Variants in IGSF9B observed in about 807,000 individuals in gnomAD.
IGSF9B encodes protein turtle homolog B.
In IGSF9B, 48 loss-of-function variants were observed where a neutral mutation model predicts 143.7. The ratio of observed to expected loss-of-function variants is 0.33; its 90% CI spans 0.26 to 0.42. IGSF9B has a LOEUF of 0.42. IGSF9B is among the 20% of genes least tolerant of loss of function. The probability of loss-of-function intolerance (pLI) is 1.00; values close to 1 mark genes in which losing one functional copy is unlikely to be tolerated. For missense variants in IGSF9B, 1,706 were observed against 1,980.0 expected, an observed-to-expected ratio of 0.86 and a Z score of 2.63; for synonymous variants, 903 against 833.1, an observed-to-expected ratio of 1.08 and a Z score of -1.44.
intron 13 of IGSF9B, among the ~76,000 whole-genome samples, chr11:133,926,505 G>A (rs182107015): frequency 6.6e-6 from 1 of 152,334 alleles, no homozygotes; most frequent in East Asian, 1.9e-4. Flanking sequence ...GGAGGAGTAT[G>A]AGGCTGCCTC....
At position 133,921,025 on chromosome 11, in the gene IGSF9B, C is replaced by G; in HGVS notation, c.2700G>C (p.Leu900=). 6.2e-7 allele frequency: 1 copy of G among 1,613,470 alleles called. No individual in the cohort carries two copies. The highest frequency in any genetic ancestry group is 8.5e-7 in the Non-Finnish European group (1 of 1,179,612). Residue 900 remains leucine (L), a synonymous_variant, in exon 18 of 20, where the codon CTG becomes CTC. Coordinates refer to ENST00000533871, the MANE Select transcript of IGSF9B (RefSeq NM_001277285.4). ...RQSDEENEDP[L]VPTSVAALKS... is the part of the protein sequence containing the mutation. ...TCAGGGCGGCCACAGATGTGGGCACCAGTGGGTCCTCGTTCTCCTCGTCCG... is the reference window on the plus strand; with the variant it reads ...TCAGGGCGGCCACAGATGTGGGCACGAGTGGGTCCTCGTTCTCCTCGTCCG...
rs1364345285 is a variant in IGSF9B at position 133,920,026 on chromosome 11, C to A, written c.3699G>T (p.Glu1233Asp). 6.3e-7 allele frequency: 1 copy of A among 1,581,958 alleles called. No homozygotes were observed. The highest frequency in any genetic ancestry group is 1.4e-5 in the African/African-American group (1 of 73,564). Residue 1233 changes from glutamate (E) to aspartate (D), a missense_variant, in exon 18 of 20, where the codon GAG (glutamate) becomes GAT (aspartate). Transcript: ENST00000533871. ...RPRPGLLQQA[E>D]MSEITLQPPA... is the part of the protein sequence containing the mutation. The stretch of plus-strand genomic sequence containing the variant: ...GCGGCTGCAGGGTGATCTCTGACAT[C>A]TCTGCCTGCTGCAGGAGGCCCGGGC...
rs980051332 is a variant in IGSF9B, at chr11:133,952,805, GCA to G, written c.64+3884_64+3885del. Among the ~76,000 whole-genome samples the G allele has an allele frequency of 5.9e-5, 9 of 152,062 alleles. 1 individual carries two copies. The highest frequency in any genetic ancestry group is 1.9e-4 in the East Asian group (1 of 5,152). On this transcript the variant is annotated intron_variant, in intron 1 of 19. Transcript: ENST00000533871. Reference sequence around the variant, plus strand: ...CACACATGTGCACATGTATGCATGTGCACACACACACACTTCTGGACAGCTGG... The same window carrying G: ...CACACATGTGCACATGTATGCATGTGCACACACACACTTCTGGACAGCTGG...
Position 133,921,198 on chromosome 11 carries a change from C to T in IGSF9B, c.2527G>A (p.Ala843Thr). The T allele has an allele frequency of 6.2e-7, 1 of 1,608,746 alleles. No individual in the cohort carries two copies. The highest frequency in any genetic ancestry group is 8.5e-7 in the Non-Finnish European group (1 of 1,177,046). The change falls in exon 18 of 20, where the codon GCC becomes ACC. Residue 843 changes from alanine to threonine, a missense_variant. This residue lies in a region of IGSF9B where 135 missense variants were observed against 181.3 expected (regional missense o/e 0.74). Transcript: ENST00000533871. ...SVAKAEAEAE[A>T]TTPIELISRG... The stretch of plus-strand genomic sequence containing the variant: ...CTGATGAGCTCGATGGGCGTGGTGG[C>T]CTCTGCCTCGGCCTCTGCCTTGGCC...
chr11:133,919,756 C>G lies in IGSF9B; in HGVS notation c.3969G>C (p.Thr1323=). Residue 1323 remains threonine, a synonymous_variant, in exon 18 of 20, where the codon ACG becomes ACC. Coordinates refer to ENST00000533871, the MANE Select transcript of IGSF9B (RefSeq NM_001277285.4). ...ELLRPETPPP[T]LPTSGTLPPA... ...GGCGCACTCACCCTGAAGTAGGTAA[C>G]GTGGGTGGTGGGGTCTCCGGTCGGA... 2 of 1,465,502 alleles carry G rather than the reference C, an allele frequency of 1.4e-6. No homozygotes were observed. Among genetic ancestry groups the G allele is most frequent in the Non-Finnish European group, 9.0e-7 (1 of 1,105,524 alleles). The allele number at this position is 1,465,502 out of a possible 1,614,324, so 90.8% of individuals were successfully genotyped here. A position where few individuals can be genotyped will look rare whatever the true frequency, so the allele number is the denominator to read the frequency against.
chr11:133,940,148 G>A (rs563742920), intron 3 of IGSF9B, among the ~76,000 whole-genome samples: 221 of 83,754 alleles, frequency 2.6e-3, no homozygotes, highest in African/African-American at 8.4e-3. Flanking sequence ...GTCATCGCAC[G>A]CAAAAACACA....
intron 19 of IGSF9B, 72 bp downstream of exon 19, chr11:133,911,788 GAGCCCAATAACCCTCCTGACAACGGC>G (rs1369779830): frequency 9.9e-5 from 121 of 1,218,038 alleles, no homozygotes; most frequent in Middle Eastern, 2.6e-4. Flanking sequence ...TTGGGGCCCT[GAGCCCAATAACCCTCCTGACAACGGC>G]AGCCCAATAA....
chr11:133,936,141 C>T lies in IGSF9B; in HGVS notation c.733G>A (p.Asp245Asn). 1.2e-6 allele frequency: 2 copies of T among 1,612,864 alleles called. No homozygotes were observed. Among genetic ancestry groups the T allele is most frequent in the South Asian group, 2.2e-5 (2 of 90,718 alleles). ...PENITVNISQ[D>N]ALLTCRAEAY... ...TCTGCCCGGCAGGTGAGCAGAGCAT[C>T]CTGGGAGATGTTGACGGTGATGTTC... is the stretch of plus-strand genomic sequence containing the variant. Residue 245 changes from aspartate (D) to asparagine (N), a missense_variant, in exon 6 of 20, where the codon GAT (aspartate) becomes AAT (asparagine). Physicochemically the swap from Asp to Asn is conservative, Grantham distance 23. Transcript: ENST00000533871.
At chr11:133,923,262 G>A (rs1015416345) in intron 15 of IGSF9B, among the ~76,000 whole-genome samples, 4 of 152,220 alleles carry the variant, frequency 2.6e-5, no homozygotes, top group Non-Finnish European at 5.9e-5. Context: ...CAGGTGTGAA[G>A]GCAACTTGAG....
intron 18 of IGSF9B, among the ~76,000 whole-genome samples, chr11:133,917,270 GC>G (rs1565418307): frequency 6.6e-6 from 1 of 152,186 alleles, no homozygotes; most frequent in African/African-American, 2.4e-5. Context: ...GAGGGAGCGA[GC>G]TTCGGGTGGC....
rs1449785128 is a variant in IGSF9B, at chr11:133,931,670, C to T, written c.1236G>A (p.Ala412=). 3.1e-6 allele frequency: 5 copies of T among 1,609,900 alleles called. No homozygotes were observed. Among genetic ancestry groups the T allele is most frequent in the Non-Finnish European group, 4.2e-6 (5 of 1,177,860 alleles). Residue 412 remains alanine (A), a synonymous_variant, in exon 9 of 20, where the codon GCG becomes GCA. Coordinates refer to ENST00000533871, the MANE Select transcript of IGSF9B (RefSeq NM_001277285.4). This position sits in a 1 kb window ranked among gnomAD's most constrained non-coding sequence, Gnocchi z 7.7. ...TLGTMGQSAP[A]RLVLKDPPYF... is the part of the protein sequence containing the mutation. ...GGGACCTCACCTTCAGGACAAGCCT[C>T]GCAGGGGCAGACTGGCCCATGGTCC...
In IGSF9B at chr11:133,902,719, C is replaced by T. The variant is rs574662011; in HGVS notation, c.*6350G>A. On this transcript the variant is annotated 3_prime_UTR_variant, in exon 20 of 20. Transcript: ENST00000533871. ...TCCCTTCTCCAGCCCTGCCAGGACA[C>T]CGTCGGCCATGGCACACCTCTCGTT... Among the ~76,000 whole-genome samples the T allele has an allele frequency of 1.6e-4, 24 of 152,306 alleles. No individual in the cohort carries two copies. The highest frequency in any genetic ancestry group is 1.0e-3 in the Admixed American group (16 of 15,298).
Position 133,902,654 on chromosome 11 carries a change from G to T in IGSF9B, c.*6415C>A, listed in dbSNP as rs1330904072. On this transcript the variant is annotated 3_prime_UTR_variant, in exon 20 of 20. Coordinates refer to ENST00000533871, the MANE Select transcript of IGSF9B (RefSeq NM_001277285.4). ...ACAGCTGGCTGGGGGTTAGAGACCA[G>T]GGGGACAACCTGGTGCCTGCAGAAG... is the stretch of plus-strand genomic sequence containing the variant. 1.3e-5 allele frequency among the ~76,000 whole-genome samples: 2 copies of T among 150,384 alleles called. No individual in the cohort carries two copies. Among genetic ancestry groups the T allele is most frequent in the African/African-American group, 4.9e-5 (2 of 40,822 alleles).
At chr11:133,933,646 G>A (rs1366108625) in intron 7 of IGSF9B, among the ~76,000 whole-genome samples, 1 of 152,208 alleles carries the variant, frequency 6.6e-6, no homozygotes, top group East Asian at 1.9e-4. Flanking sequence ...TACTCTGGAA[G>A]TTGAAGCGGG....
chr11:133,937,659 GAC>G, intron 4 of IGSF9B, 149 bp downstream of exon 4: 1 of 1,111,724 alleles, frequency 9.0e-7, no homozygotes, highest in Non-Finnish European at 1.3e-6. Flanking sequence ...TCCCGCCAGC[GAC>G]ACAGAGACGC....
Position 133,905,698 on chromosome 11 carries a change from T to A in IGSF9B, c.*3371A>T, listed in dbSNP as rs376989709. Reference sequence around the variant, plus strand: ...TCCTTCCTGCTAAGAAAGTAGGATCTCAAAAGGCCTGTCCTACCCCCAGTC... The same window carrying A: ...TCCTTCCTGCTAAGAAAGTAGGATCACAAAAGGCCTGTCCTACCCCCAGTC... On this transcript the variant is annotated 3_prime_UTR_variant, in exon 20 of 20. Coordinates refer to ENST00000533871, the MANE Select transcript of IGSF9B (RefSeq NM_001277285.4). The surrounding 1 kb of genome is among the most constrained non-coding windows in gnomAD (Gnocchi z 4.0). 3.2e-3 allele frequency among the ~76,000 whole-genome samples: 482 copies of A among 152,134 alleles called. 2 individuals carry two copies. The highest frequency in any genetic ancestry group is 0.011 in the African/African-American group (437 of 41,506).
In IGSF9B at chr11:133,930,993, T is replaced by C; in HGVS notation, c.1510A>G (p.Thr504Ala). 6.2e-7 allele frequency: 1 copy of C among 1,611,114 alleles called. No homozygotes were observed. The highest frequency in any genetic ancestry group is 8.5e-7 in the Non-Finnish European group (1 of 1,178,504). The change falls in exon 11 of 20, where the codon ACC becomes GCC. Residue 504 changes from threonine (T) to alanine (A), a missense_variant. Transcript: ENST00000533871. Reference protein sequence around the residue: ...VTSITASTHLTVIGTSPHAPG... With the variant: ...VTSITASTHLAVIGTSPHAPG... ...CTTGCCGGCCACGTACCGATGACGGTGAGGTGGGTGCTGGCAGTGATGCTC... is the reference window on the plus strand; with the variant it reads ...CTTGCCGGCCACGTACCGATGACGGCGAGGTGGGTGCTGGCAGTGATGCTC...
In IGSF9B at chr11:133,902,339, C is replaced by G. The variant is rs568732841; in HGVS notation, c.*6730G>C. Reference sequence around the variant, plus strand: ...TACACACACACCATACCACACACACCCCACACACATACACAACCACACAAT... The same window carrying G: ...TACACACACACCATACCACACACACGCCACACACATACACAACCACACAAT... On this transcript the variant is annotated 3_prime_UTR_variant, in exon 20 of 20. Coordinates refer to ENST00000533871, the MANE Select transcript of IGSF9B (RefSeq NM_001277285.4). 6.8e-6 allele frequency among the ~76,000 whole-genome samples: 1 copy of G among 146,416 alleles called. No homozygotes were observed. The highest frequency in any genetic ancestry group is 2.2e-4 in the South Asian group (1 of 4,470).
At chr11:133,951,868 T>A (rs1940165012) in intron 1 of IGSF9B, 1 of 243,500 alleles carries the variant, frequency 4.1e-6, no homozygotes, top group Non-Finnish European at 8.7e-6. Context: ...CGAAGTCCCA[T>A]GTTTACTCCC....
Sources: gnomAD v4.1 joint callset for allele counts (sites outside exome capture counted in the v4.1 genomes callset) on GRCh38, gnomAD v4.1.1 for gene constraint, gnomAD v4.1.1 regional missense constraint, Gnocchi (gnomAD v3.1) non-coding constraint, MANE v1.5 for transcripts, NCBI Gene and HGNC (gene_info 2026-07-23, HGNC 2026-07-21) for gene names.